The following DGKG variants were observed in gnomAD, a reference collection of about 807,000 sequenced individuals.
The protein encoded by DGKG is DAG kinase gamma.
Under a neutral mutation model 105.3 loss-of-function variants are expected in DGKG, and 78 were observed. That is an observed-to-expected ratio of 0.74 (90% confidence interval 0.62 to 0.89). The LOEUF (loss-of-function observed/expected upper bound fraction) is 0.89. DGKG is among the 40% of genes least tolerant of loss of function. The pLI is 0.00. For missense variants in DGKG, 958 were observed against 1,020.1 expected (o/e 0.94, Z 0.83); for synonymous variants, 346 against 367.1 (o/e 0.94, Z 0.66).
rs150411722 is a variant in DGKG, at chr3:186,148,769, G to A, written c.*1321C>T. The A allele has an allele frequency of 1.8e-4, 175 of 985,292 alleles. No individual in the cohort carries two copies. The highest frequency in any genetic ancestry group is 1.6e-3 in the East Asian group (14 of 8,802). 61.0% of individuals were successfully genotyped at this position (985,292 alleles called of 1,614,324 possible). On this transcript the variant is annotated 3_prime_UTR_variant, in exon 25 of 25. Transcript: ENST00000265022. ...TTGAGGATCCAGAATAGGAGTTCTC[G>A]GTCTCTTCGTTCATAATAGGGAGCT...
chr3:186,296,336 C>T (rs1723563219), intron 5 of DGKG, among the ~76,000 whole-genome samples: 1 of 152,212 alleles, frequency 6.6e-6, no homozygotes, highest in Non-Finnish European at 1.5e-5. Flanking sequence ...GTAGTGTTGG[C>T]TCTGGGAATC....
chr3:186,317,008 C>T (rs1053440734), intron 2 of DGKG, among the ~76,000 whole-genome samples: 22 of 152,212 alleles, frequency 1.4e-4, no homozygotes, highest in African/African-American at 4.8e-4. Flanking sequence ...AGTGCCTCAT[C>T]CAGTCCCGCG....
intron 2 of DGKG, among the ~76,000 whole-genome samples, chr3:186,314,102 T>G (rs1381425087): frequency 6.6e-6 from 1 of 152,072 alleles, no homozygotes; most frequent in East Asian, 1.9e-4. Flanking sequence ...TAGCACAATT[T>G]ACTGATTGAT....
intron 24 of DGKG, chr3:186,160,694 T>C (rs1716249828): frequency 2.0e-6 from 2 of 985,304 alleles, no homozygotes; most frequent in Non-Finnish European, 2.4e-6. Flanking sequence ...AAACTCCACT[T>C]TTGTCTTTTG....
At chr3:186,180,995 C>T (rs986801691) in intron 22 of DGKG, among the ~76,000 whole-genome samples, 5 of 152,216 alleles carry the variant, frequency 3.3e-5, no homozygotes, top group Admixed American at 6.5e-5. Flanking sequence ...ACGTATTTGC[C>T]TGAAGAGTGC....
intron 1 of DGKG, among the ~76,000 whole-genome samples, chr3:186,323,893 C>T (rs1287363899): frequency 6.1e-5 from 9 of 146,418 alleles, no homozygotes; most frequent in African/African-American, 1.8e-4. Flanking sequence ...TCTGAGATTG[C>T]GCCACTGCAC....
chr3:186,221,826 G>A (rs1719595694), intron 20 of DGKG, among the ~76,000 whole-genome samples: 2 of 152,166 alleles, frequency 1.3e-5, no homozygotes, highest in African/African-American at 4.8e-5. Flanking sequence ...AGGAGCAGAG[G>A]CAAACCCTGG....
chr3:186,293,219 A>G (rs766747042), intron 5 of DGKG, among the ~76,000 whole-genome samples: 7 of 152,198 alleles, frequency 4.6e-5, no homozygotes, highest in Non-Finnish European at 7.3e-5. Flanking sequence ...TGCATTCACC[A>G]TTATAGTATA....
chr3:186,299,838 T>TC (rs1560142060), intron 3 of DGKG, among the ~76,000 whole-genome samples: 4,088 of 83,668 alleles, frequency 0.049, 156 homozygotes, highest in Middle Eastern at 0.091. Context: ...TCTTTCTTTC[T>TC]TTTTTTTTTT....
At chr3:186,344,642 C>T (rs1162731205) in intron 1 of DGKG, among the ~76,000 whole-genome samples, 1 of 152,096 alleles carries the variant, frequency 6.6e-6, no homozygotes, top group African/African-American at 2.4e-5. Context: ...CTATTGGGTA[C>T]TGGGCTTAAT....
intron 20 of DGKG, among the ~76,000 whole-genome samples, chr3:186,236,551 TTACTCTA>T (rs1172944891): frequency 2.8e-4 from 42 of 152,372 alleles, no homozygotes; most frequent in Non-Finnish European, 8.8e-5. Context: ...TGATGCCAAC[TTACTCTA>T]TACCCTGCTG....
chr3:186,307,365 A>G (rs944961282), intron 2 of DGKG, among the ~76,000 whole-genome samples: 2 of 152,182 alleles, frequency 1.3e-5, no homozygotes, highest in Non-Finnish European at 2.9e-5. Flanking sequence ...AGCCATATCA[A>G]GTTACATTTC....
intron 20 of DGKG, among the ~76,000 whole-genome samples, chr3:186,228,856 G>C (rs1447248363): frequency 1.3e-5 from 2 of 152,164 alleles, no homozygotes; most frequent in Non-Finnish European, 2.9e-5. Flanking sequence ...TGAAGGTCTG[G>C]GGGAAGACTG....
At chr3:186,312,176 G>GCATTAGAC (rs2108631834) in intron 2 of DGKG, among the ~76,000 whole-genome samples, 1 of 131,578 alleles carries the variant, frequency 7.6e-6, no homozygotes, top group Non-Finnish European at 1.6e-5. Context: ...GAGTATTTGA[G>GCATTAGAC]CATTAGACCA....
intron 24 of DGKG, chr3:186,160,903 T>G: frequency 1.0e-6 from 1 of 985,452 alleles, no homozygotes; most frequent in Non-Finnish European, 1.2e-6. Context: ...AGTCTGGGAA[T>G]GGAGATAGTC....
chr3:186,357,260 T>C (rs1426165276), intron 1 of DGKG, among the ~76,000 whole-genome samples: 2 of 152,130 alleles, frequency 1.3e-5, no homozygotes, highest in Non-Finnish European at 2.9e-5. Flanking sequence ...GCACTCTTGA[T>C]ATGTGATTCA....
intron 23 of DGKG, among the ~76,000 whole-genome samples, chr3:186,164,501 T>G (rs986353088): frequency 6.6e-6 from 1 of 152,086 alleles, no homozygotes. Flanking sequence ...TGAGAAGGAG[T>G]AGAGCAGAGA....
intron 23 of DGKG, among the ~76,000 whole-genome samples, chr3:186,161,968 C>A (rs892054947): frequency 1.3e-5 from 2 of 152,132 alleles, no homozygotes; most frequent in African/African-American, 4.8e-5. Context: ...GATCTTGGCT[C>A]ACTGCAACCT....
chr3:186,179,141 C>A (rs1378939823), intron 22 of DGKG, among the ~76,000 whole-genome samples: 1 of 152,180 alleles, frequency 6.6e-6, no homozygotes, highest in African/African-American at 2.4e-5. Context: ...GGTTCATGGA[C>A]CACACGGCGT....
Sources: gnomAD v4.1 joint callset for allele counts (sites outside exome capture counted in the v4.1 genomes callset) on GRCh38, gnomAD v4.1.1 for gene constraint, MANE v1.5 for transcripts, NCBI Gene and HGNC (gene_info 2026-07-23, HGNC 2026-07-21) for gene names.